Variants in GTF2I observed in about 807,000 individuals in gnomAD.
GTF2I encodes general transcription factor IIi.
Under a neutral mutation model 67.6 loss-of-function variants are expected in GTF2I, and 12 were observed. That is an observed-to-expected ratio of 0.18 (90% CI 0.11 to 0.29). The LOEUF is 0.29. Ranked by LOEUF, GTF2I falls within the 10% of genes least tolerant of loss-of-function variation. The probability of loss-of-function intolerance (pLI) is 1.00; values close to 1 mark genes in which losing one functional copy is unlikely to be tolerated. For missense variants in GTF2I, 271 were observed against 580.1 expected, an observed-to-expected ratio of 0.47 and a Z score of 5.47; for synonymous variants, 149 against 197.0, an observed-to-expected ratio of 0.76 and a Z score of 2.04.
intron 12 of GTF2I, among the ~76,000 whole-genome samples, chr7:74,726,222 T>TA (rs1389709994): frequency 2.0e-5 from 3 of 152,172 alleles, no homozygotes; most frequent in African/African-American, 4.8e-5. Context: ...TTAATGTTTG[T>TA]AAAAAAATAT....
intron 11 of GTF2I, chr7:74,717,173 A>C (rs1352743322): frequency 2.3e-6 from 1 of 426,554 alleles, no homozygotes; most frequent in Non-Finnish European, 4.0e-6. Context: ...CTAAGTGGTA[A>C]GTAAAGCTCT....
In GTF2I at chr7:74,708,313, C is replaced by T. The variant is rs1289052663; in HGVS notation, c.685+1880C>T. Among the ~76,000 whole-genome samples, 4 of 152,038 alleles carry T rather than the reference C, an allele frequency of 2.6e-5. No homozygotes were observed. In the East Asian group the frequency reaches 7.7e-4, roughly 29 times the overall value. ...AGTGAAACTCCATCTCAAAACAAAA[C>T]AAACAAAAACAGATTGTTAACTGGT... On this transcript the variant is annotated intron_variant, in intron 8 of 34. Transcript: ENST00000573035.
intron 1 of GTF2I, among the ~76,000 whole-genome samples, chr7:74,666,739 G>A (rs958781297): frequency 1.3e-5 from 2 of 151,464 alleles, no homozygotes; most frequent in East Asian, 1.9e-4. Flanking sequence ...AGTCCAAGGC[G>A]GGTGGATCAC....
chr7:74,671,418 C>A (rs911971403), intron 1 of GTF2I, among the ~76,000 whole-genome samples: 1 of 151,266 alleles, frequency 6.6e-6, no homozygotes, highest in South Asian at 2.1e-4. Context: ...GTCATTCTTT[C>A]CTTCACCTGG....
At chr7:74,694,122 A>C (rs782064442) in intron 3 of GTF2I, among the ~76,000 whole-genome samples, 4 of 152,180 alleles carry the variant, frequency 2.6e-5, no homozygotes, top group Non-Finnish European at 4.4e-5. Flanking sequence ...GATAGGAAGA[A>C]AGTTTGAATG....
In GTF2I at chr7:74,667,656, C is replaced by T. The variant is rs149755934; in HGVS notation, c.-6+9588C>T. ...TCAGTCTCCCGAGTAGCTGGGACTA[C>T]AGGTGCATGCCACCACGTCTGGCTT... On this transcript the variant is annotated intron_variant, in intron 1 of 34. Coordinates refer to ENST00000573035, the MANE Select transcript of GTF2I (RefSeq NM_032999.4). 3.0e-4 allele frequency among the ~76,000 whole-genome samples: 46 copies of T among 151,844 alleles called. 1 individual carries two copies. The East Asian group carries it at 8.7e-3, about 29-fold the overall frequency.
At chr7:74,666,738 C>T (rs1035964318) in intron 1 of GTF2I, among the ~76,000 whole-genome samples, 2 of 148,948 alleles carry the variant, frequency 1.3e-5, no homozygotes, top group African/African-American at 5.0e-5. Context: ...GAGTCCAAGG[C>T]GGGTGGATCA....
At chr7:74,682,761 T>G (rs1213918362) in intron 1 of GTF2I, among the ~76,000 whole-genome samples, 2 of 152,196 alleles carry the variant, frequency 1.3e-5, no homozygotes, top group African/African-American at 4.8e-5. Flanking sequence ...GATTTGGAAT[T>G]ATCAGAGACT....
At chr7:74,706,495 A>C in intron 8 of GTF2I, 62 bp downstream of exon 8, 1 of 1,228,154 alleles carries the variant, frequency 8.1e-7, no homozygotes, top group African/African-American at 1.5e-5. Context: ...TTAGTGTAGA[A>C]GTTTATAGTT....
chr7:74,705,553 C>CTTTTTT (rs11439887), intron 7 of GTF2I, among the ~76,000 whole-genome samples: 1 of 141,396 alleles, frequency 7.1e-6, no homozygotes, highest in Non-Finnish European at 1.5e-5. Flanking sequence ...GTTGGTAACT[C>CTTTTTT]TTTTTTTTTT....
intron 12 of GTF2I, chr7:74,727,834 A>G (rs1344067928): frequency 1.3e-5 from 2 of 152,360 alleles, no homozygotes; most frequent in South Asian, 2.1e-4. Context: ...TTCCTGGTGT[A>G]TCCACAAGGA....
At chr7:74,723,428 C>CCTTTTTTTTTTTTTTTT (rs1793319970) in intron 12 of GTF2I, among the ~76,000 whole-genome samples, 1 of 61,090 alleles carries the variant, frequency 1.6e-5, no homozygotes, top group African/African-American at 8.3e-5. Flanking sequence ...CTCCCGGCCT[C>CCTTTTTTTTTTTTTTTT]TTTTTTTTTT....
At chr7:74,697,193 CG>C (rs1318196970) in intron 3 of GTF2I, among the ~76,000 whole-genome samples, 2 of 151,816 alleles carry the variant, frequency 1.3e-5, no homozygotes, top group Non-Finnish European at 2.9e-5. Flanking sequence ...GTCAGGAGAT[CG>C]AGACCATGTG....
intron 13 of GTF2I, among the ~76,000 whole-genome samples, chr7:74,729,582 A>ATT (rs1412705967): frequency 7.7e-6 from 1 of 130,232 alleles, no homozygotes; most frequent in Non-Finnish European, 1.6e-5. Context: ...GGTTCAAGTG[A>ATT]TTCTTCTGCC....
intron 11 of GTF2I, 54 bp downstream of exon 11, chr7:74,717,004 A>G (rs1554403772): frequency 1.3e-6 from 2 of 1,549,420 alleles, no homozygotes; most frequent in South Asian, 1.1e-5. Context: ...TGTTTATTCT[A>G]TTTTATAGAT....
chr7:74,709,213 T>A (rs1791185315), intron 8 of GTF2I, among the ~76,000 whole-genome samples: 1 of 152,184 alleles, frequency 6.6e-6, no homozygotes, highest in Non-Finnish European at 1.5e-5. Flanking sequence ...TTTCTGCAGC[T>A]TACCAGACTT....
chr7:74,674,205 GACA>G (rs1173240946), intron 1 of GTF2I, among the ~76,000 whole-genome samples: 1 of 151,588 alleles, frequency 6.6e-6, no homozygotes, highest in Admixed American at 6.6e-5. Flanking sequence ...GAGTAGCTGG[GACA>G]ACAGGCGTGT....
At chr7:74,695,538 A>C (rs1389741250) in intron 3 of GTF2I, among the ~76,000 whole-genome samples, 1 of 152,192 alleles carries the variant, frequency 6.6e-6, no homozygotes, top group African/African-American at 2.4e-5. Context: ...TTTAGATTAA[A>C]TTGGTGATAC....
In GTF2I at chr7:74,705,155, T is replaced by G. The variant is rs1562963505; in HGVS notation, c.587-9T>G. ...AAAACTAACTCCAATTTTTTTTTTT[T>G]GTATGTAGGTGGTCGTGTGATGGTA... On this transcript the variant is annotated splice_polypyrimidine_tract_variant and intron_variant, in intron 6 of 34. Transcript: ENST00000573035. The G allele has an allele frequency of 5.7e-6, 9 of 1,578,102 alleles. No homozygotes were observed. In the South Asian group the frequency reaches 8.9e-5, roughly 16 times the overall value.
Sources: gnomAD v4.1 joint callset for allele counts (sites outside exome capture counted in the v4.1 genomes callset) on GRCh38, gnomAD v4.1.1 for gene constraint, MANE v1.5 for transcripts, NCBI Gene and HGNC (gene_info 2026-07-23, HGNC 2026-07-21) for gene names.